GALNT9: variants seen among roughly 807,000 people sequenced by gnomAD.
The protein encoded by GALNT9 is GalNAc transferase 9.
GALNT9 carries 47 observed loss-of-function variants against 63.1 expected under a neutral mutation model. The ratio of observed to expected loss-of-function variants is 0.75; its 90% confidence interval spans 0.59 to 0.95. The LOEUF is 0.95. GALNT9 is among the 40% of genes least tolerant of loss of function. GALNT9 has a pLI of 0.00. For synonymous variants in GALNT9, 396 were observed against 365.7 expected, an observed-to-expected ratio of 1.08 and a Z score of -0.94; for missense variants, 829 against 874.8, an observed-to-expected ratio of 0.95 and a Z score of 0.66.
intron 5 of GALNT9, among the ~76,000 whole-genome samples, chr12:132,257,014 C>T (rs1879146852): frequency 6.6e-6 from 1 of 152,196 alleles, no homozygotes; most frequent in Non-Finnish European, 1.5e-5. Flanking sequence ...GCTTCAGCAG[C>T]TGTCCAGGTG....
At position 132,262,716 on chromosome 12, in the gene GALNT9, G is replaced by A. The variant is rs1053346444; in HGVS notation, c.420-91C>T. On this transcript the variant is annotated intron_variant, in intron 2 of 10. Coordinates refer to ENST00000328957, the MANE Select transcript of GALNT9 (RefSeq NM_001122636.2). ...ATCTGTCTGCACCTGCAGGAGACAC[G>A]GTTTGGGGTGCGGTCAGGGCGCAGC... The A allele has an allele frequency of 1.9e-4, 276 of 1,446,674 alleles. 2 individuals carry two copies. Among genetic ancestry groups the A allele is most frequent in the Middle Eastern group, 5.0e-4 (2 of 4,010 alleles). The allele number at this position is 1,446,674 out of a possible 1,614,324, so 89.6% of individuals were successfully genotyped here. A position where few individuals can be genotyped will look rare whatever the true frequency, so the allele number is the denominator to read the frequency against.
chr12:132,329,050 C>A lies in GALNT9; in HGVS notation c.154G>T (p.Ala52Ser), dbSNP rs1555246740. 1 of 1,546,600 alleles carries A rather than the reference C, an allele frequency of 6.5e-7. No homozygotes were observed. The highest frequency in any genetic ancestry group is 1.2e-5 in the South Asian group (1 of 83,950). Residue 52 changes from alanine (A) to serine (S), a missense_variant, in exon 1 of 11, where the codon GCC (alanine) becomes TCC (serine). By Grantham distance (99) the Ala-to-Ser change is moderately conservative (BLOSUM62 1). Transcript: ENST00000328957. ...SGDRRVRSRH[A>S]KVGTLGDREA... ...CGGTCCCCCAGCGTGCCCACCTTGG[C>A]GTGTCGGCTGCGCACCCGGCGGTCG...
At chr12:132,325,491 G>A (rs528258484) in intron 1 of GALNT9, among the ~76,000 whole-genome samples, 3 of 152,214 alleles carry the variant, frequency 2.0e-5, no homozygotes, top group Non-Finnish European at 2.9e-5. Context: ...AGGGGGGGCC[G>A]TGGGCAGGAT....
At chr12:132,305,518 G>GCCTCACCTGGGCACAC (rs1566020064) in intron 1 of GALNT9, among the ~76,000 whole-genome samples, 3 of 27,336 alleles carry the variant, frequency 1.1e-4, no homozygotes, top group Admixed American at 3.7e-4. Flanking sequence ...CCCGGGCACA[G>GCCTCACCTGGGCACAC]CCTCACCCGG....
In GALNT9 at chr12:132,310,765, C is replaced by T. The variant is rs28534932; in HGVS notation, c.238+18201G>A. Among the ~76,000 whole-genome samples, 13,803 of 152,118 alleles carry T rather than the reference C, an allele frequency of 0.091. 775 individuals are homozygous for T. Among genetic ancestry groups the T allele is most frequent in the African/African-American group, 0.16 (6,640 of 41,496 alleles). ...GGGAGGAAGGGGCAGAGGGAGCGCG[C>T]GCTGGGAAGGTGGGAGCCACGCTGT... On this transcript the variant is annotated intron_variant, in intron 1 of 10. Coordinates refer to ENST00000328957, the MANE Select transcript of GALNT9 (RefSeq NM_001122636.2). The surrounding 1 kb of genome is among the most constrained non-coding windows in gnomAD (Gnocchi z 4.8).
At chr12:132,303,456 C>A (rs1881401351) in intron 1 of GALNT9, among the ~76,000 whole-genome samples, 1 of 133,688 alleles carries the variant, frequency 7.5e-6, no homozygotes, top group Non-Finnish European at 1.6e-5. Flanking sequence ...CGGGCACACC[C>A]TCGCCCGGAC....
At chr12:132,208,760 T>G (rs1187289679) in intron 6 of GALNT9, among the ~76,000 whole-genome samples, 1 of 152,174 alleles carries the variant, frequency 6.6e-6, no homozygotes, top group Admixed American at 6.5e-5. Context: ...AAGGAAATGG[T>G]TGTCTTAGGC....
intron 4 of GALNT9, among the ~76,000 whole-genome samples, chr12:132,258,142 G>A (rs1298809723): frequency 3.9e-5 from 6 of 152,154 alleles, no homozygotes; most frequent in African/African-American, 4.8e-5. Context: ...CGCTGACACC[G>A]GCCACGTTGG....
chr12:132,264,188 C>T (rs781803287), intron 2 of GALNT9, among the ~76,000 whole-genome samples: 6 of 152,202 alleles, frequency 3.9e-5, no homozygotes, highest in Non-Finnish European at 4.4e-5. Flanking sequence ...ATAAACAAGC[C>T]GCCTGCATGG....
chr12:132,318,363 C>T (rs569006476), intron 1 of GALNT9, among the ~76,000 whole-genome samples: 63 of 152,302 alleles, frequency 4.1e-4, no homozygotes, highest in African/African-American at 1.5e-3. Flanking sequence ...GGTGGGTGCT[C>T]GGGGAACCCA....
At chr12:132,289,734 C>T (rs991938555) in intron 1 of GALNT9, among the ~76,000 whole-genome samples, 6 of 152,212 alleles carry the variant, frequency 3.9e-5, no homozygotes, top group African/African-American at 9.7e-5. Context: ...TCCCTCCACC[C>T]GGGGCTCCAT....
chr12:132,327,293 G>A lies in GALNT9; in HGVS notation c.238+1673C>T, dbSNP rs550763676. Among the ~76,000 whole-genome samples the A allele has an allele frequency of 6.5e-4, 98 of 151,848 alleles. No homozygotes were observed. The highest frequency in any genetic ancestry group is 2.3e-3 in the African/African-American group (94 of 41,362). On this transcript the variant is annotated intron_variant, in intron 1 of 10. Coordinates refer to ENST00000328957, the MANE Select transcript of GALNT9 (RefSeq NM_001122636.2). This position sits in a 1 kb window ranked among gnomAD's most constrained non-coding sequence, Gnocchi z 4.3. ...GGAGAAGGCAGTGGGGGCGGTGGGC[G>A]GTGGGGGGAGACACACTTTCCCGGA...
Position 132,310,110 on chromosome 12 carries a change from G to A in GALNT9, c.238+18856C>T, listed in dbSNP as rs573400702. On this transcript the variant is annotated intron_variant, in intron 1 of 10. Transcript: ENST00000328957. This position sits in a 1 kb window ranked among gnomAD's most constrained non-coding sequence, Gnocchi z 4.8. ...TATCCACAGCCCTGTACTGTTTTTC[G>A]TGCCTGGAACCAGGACTCAATGCTC... 3.9e-5 allele frequency among the ~76,000 whole-genome samples: 6 copies of A among 152,302 alleles called. No individual in the cohort carries two copies. Among genetic ancestry groups the A allele is most frequent in the East Asian group, 1.9e-4 (1 of 5,184 alleles).
Position 132,213,160 on chromosome 12 carries a change from C to T in GALNT9, c.1078-9470G>A, listed in dbSNP as rs545264551. On this transcript the variant is annotated intron_variant, in intron 6 of 10. Coordinates refer to ENST00000328957, the MANE Select transcript of GALNT9 (RefSeq NM_001122636.2). The stretch of plus-strand genomic sequence containing the variant: ...ACCCGGGTCTGCAGCCCTCAGACCT[C>T]GACACGGAAACCCCACCCGGGTCTG... 3.6e-4 allele frequency among the ~76,000 whole-genome samples: 10 copies of T among 27,730 alleles called. 1 individual carries two copies. The highest frequency in any genetic ancestry group is 1.2e-3 in the Admixed American group (3 of 2,548). 18.2% of individuals were successfully genotyped at this position (27,730 alleles called of 152,430 possible).
At chr12:132,271,667 C>G (rs1045925552) in intron 2 of GALNT9, among the ~76,000 whole-genome samples, 2 of 152,156 alleles carry the variant, frequency 1.3e-5, no homozygotes, top group African/African-American at 4.8e-5. Context: ...CGTGCCTTGC[C>G]GTGATGCTCC....
chr12:132,247,552 C>A, intron 6 of GALNT9: 1 of 488,316 alleles, frequency 2.0e-6, no homozygotes, highest in South Asian at 1.5e-5. Context: ...GAGCCCTGGA[C>A]CTCACCCTGT....
chr12:132,264,966 C>T (rs1555240073), intron 2 of GALNT9, among the ~76,000 whole-genome samples: 2 of 152,294 alleles, frequency 1.3e-5, no homozygotes, highest in South Asian at 2.1e-4. Context: ...CAACCGCGTC[C>T]GCCTCGCAGG....
chr12:132,227,986 G>A (rs1278144411), intron 6 of GALNT9, among the ~76,000 whole-genome samples: 3 of 152,130 alleles, frequency 2.0e-5, no homozygotes, highest in Admixed American at 6.5e-5. Flanking sequence ...GTTGAGCAGG[G>A]GCTGTGGGCA....
intron 6 of GALNT9, among the ~76,000 whole-genome samples, chr12:132,239,307 C>CAGAGACAGAG: frequency 1.0e-5 from 1 of 97,736 alleles, no homozygotes; most frequent in Non-Finnish European, 1.9e-5. Flanking sequence ...GAGAGAGACA[C>CAGAGACAGAG]ACACTGAGAG....
Sources: gnomAD v4.1 joint callset for allele counts (sites outside exome capture counted in the v4.1 genomes callset) on GRCh38, gnomAD v4.1.1 for gene constraint, Gnocchi (gnomAD v3.1) non-coding constraint, MANE v1.5 for transcripts, NCBI Gene and HGNC (gene_info 2026-07-23, HGNC 2026-07-21) for gene names.